The following MAK variants were observed in gnomAD, a reference collection of about 807,000 sequenced individuals.
MAK encodes the protein male germ cell associated kinase.
A neutral mutation model predicts 82.6 loss-of-function variants in MAK; 65 were observed. The observed-to-expected ratio is 0.79, with a 90% CI of 0.64 to 0.97. The LOEUF is 0.97. MAK is among the 50% of genes least tolerant of loss of function. The pLI, the probability that MAK is intolerant of heterozygous loss-of-function variation, is 0.00. For synonymous variants in MAK, 250 were observed against 274.2 expected, an observed-to-expected ratio of 0.91 and a Z score of 0.87; for missense variants, 703 against 780.2, an observed-to-expected ratio of 0.90 and a Z score of 1.18.
At chr6:10,809,408 C>T (rs1224131332) in intron 5 of MAK, among the ~76,000 whole-genome samples, 2 of 152,130 alleles carry the variant, frequency 1.3e-5, no homozygotes, top group African/African-American at 4.8e-5. Context: ...CAGGCCAGAG[C>T]GTAGTGGCTC....
At chr6:10,830,497 A>T (rs530387772) in intron 2 of MAK, 51 bp downstream of exon 2, 1 of 1,441,428 alleles carries the variant, frequency 6.9e-7, no homozygotes, top group Non-Finnish European at 9.8e-7. Context: ...AGGACAGGAA[A>T]ATAAAGAGCA....
intron 7 of MAK, among the ~76,000 whole-genome samples, 174 bp downstream of exon 7, chr6:10,803,544 CAA>C (rs34500831): frequency 3.7e-5 from 5 of 135,482 alleles, no homozygotes; most frequent in Admixed American, 7.6e-5. Flanking sequence ...GACTCCATCT[CAA>C]AAAAAAAAAA....
chr6:10,835,249 T>G (rs767626609), intron 1 of MAK, among the ~76,000 whole-genome samples: 1 of 152,226 alleles, frequency 6.6e-6, no homozygotes, highest in Non-Finnish European at 1.5e-5. Flanking sequence ...AAGGTTTGCA[T>G]CTTTCTACGA....
chr6:10,784,832 T>C (rs1036341106), intron 10 of MAK: 9 of 608,982 alleles, frequency 1.5e-5, no homozygotes, highest in Non-Finnish European at 2.8e-5. Flanking sequence ...GTGTGTAACA[T>C]GTTTCTATCT....
At chr6:10,835,461 C>G (rs993011970) in intron 1 of MAK, among the ~76,000 whole-genome samples, 46 of 152,152 alleles carry the variant, frequency 3.0e-4, no homozygotes, top group Admixed American at 3.0e-3. Context: ...GGTTTTACCA[C>G]GTTGGCCAGG....
chr6:10,799,218 GCT>G (rs1470418217), intron 8 of MAK, among the ~76,000 whole-genome samples: 1 of 152,110 alleles, frequency 6.6e-6, no homozygotes, highest in Non-Finnish European at 1.5e-5. Flanking sequence ...TGTCTTCAAG[GCT>G]CTTTTTATAT....
At chr6:10,787,659 C>T (rs1774694499) in intron 10 of MAK, among the ~76,000 whole-genome samples, 1 of 151,824 alleles carries the variant, frequency 6.6e-6, no homozygotes, top group African/African-American at 2.4e-5. Context: ...GAGATCGAGA[C>T]CATCCTGGCT....
intron 5 of MAK, among the ~76,000 whole-genome samples, chr6:10,811,040 C>G (rs975140760): frequency 6.6e-6 from 1 of 151,980 alleles, no homozygotes; most frequent in African/African-American, 2.4e-5. Flanking sequence ...GCTCTGTCAC[C>G]CAGGCTGGAG....
At chr6:10,764,708 A>G in intron 14 of MAK, 102 bp from the exon 15 acceptor site, 1 of 1,172,148 alleles carries the variant, frequency 8.5e-7, no homozygotes, top group Non-Finnish European at 1.3e-6. Context: ...ATCTGAATTT[A>G]TGTTTAAAAG....
At chr6:10,766,721 GCCC>G (rs140016149) in intron 14 of MAK, among the ~76,000 whole-genome samples, 2 of 152,158 alleles carry the variant, frequency 1.3e-5, no homozygotes, top group Admixed American at 1.3e-4. Context: ...GAGGCAATAA[GCCC>G]CGCTTATTCA....
intron 6 of MAK, among the ~76,000 whole-genome samples, chr6:10,806,309 G>A (rs1776444351): frequency 6.9e-6 from 1 of 144,630 alleles, no homozygotes. Context: ...CAAGTTACAA[G>A]TATGTGCCAC....
intron 2 of MAK, among the ~76,000 whole-genome samples, chr6:10,823,101 T>C (rs1778086872): frequency 6.6e-6 from 1 of 152,194 alleles, no homozygotes; most frequent in South Asian, 2.1e-4. Flanking sequence ...GCACAGACTT[T>C]CTTCTCCATG....
At chr6:10,785,462 C>G (rs1478597621) in intron 10 of MAK, among the ~76,000 whole-genome samples, 1 of 152,218 alleles carries the variant, frequency 6.6e-6, no homozygotes, top group Non-Finnish European at 1.5e-5. Context: ...TGGTTTCCAC[C>G]TAGAAATTCA....
At chr6:10,783,861 A>T (rs1774252209) in intron 11 of MAK, among the ~76,000 whole-genome samples, 1 of 152,154 alleles carries the variant, frequency 6.6e-6, no homozygotes, top group African/African-American at 2.4e-5. Context: ...TCTACTAAAA[A>T]TGCAAAAATT....
chr6:10,804,424 C>T (rs1216072466), intron 6 of MAK, among the ~76,000 whole-genome samples: 1 of 152,182 alleles, frequency 6.6e-6, no homozygotes, highest in Middle Eastern at 3.2e-3. Context: ...CTCACTGCAA[C>T]CTCCGCCTCT....
chr6:10,819,527 G>A (rs1312683087), intron 2 of MAK, among the ~76,000 whole-genome samples: 1 of 152,102 alleles, frequency 6.6e-6, no homozygotes, highest in East Asian at 1.9e-4. Flanking sequence ...AGCTACTTGG[G>A]AGGCTGAGGC....
At chr6:10,832,923 T>C (rs1467155317) in intron 1 of MAK, among the ~76,000 whole-genome samples, 1 of 151,888 alleles carries the variant, frequency 6.6e-6, no homozygotes, top group Non-Finnish European at 1.5e-5. Context: ...CCCAAAAACA[T>C]GTGTGACTTG....
chr6:10,802,042 T>G lies in MAK; in HGVS notation c.681A>C (p.Gly227=). The G allele has an allele frequency of 1.2e-6, 2 of 1,614,132 alleles. No homozygotes were observed. The highest frequency in any genetic ancestry group is 1.7e-6 in the Non-Finnish European group (2 of 1,180,020). ...AGTTCATAGAGGATGCCAGCTGGTA[T>G]CCTTCTGGCCAGTCACTCTGTTTCA... ...GTPKKSDWPE[G]YQLASSMNFR... is the part of the protein sequence containing the mutation. The change falls in exon 8 of 15, where the codon GGA becomes GGC. Residue 227 remains glycine, a synonymous_variant. Transcript: ENST00000354489.
intron 10 of MAK, among the ~76,000 whole-genome samples, chr6:10,785,556 T>C (rs1000857741): frequency 1.3e-5 from 2 of 152,250 alleles, no homozygotes; most frequent in African/African-American, 2.4e-5. Context: ...GGCCACCTGC[T>C]TGGGGGCAGT....
Sources: allele counts gnomAD v4.1 joint callset (sites outside exome capture counted in the v4.1 genomes callset), GRCh38; gene constraint gnomAD v4.1.1; transcripts MANE v1.5; gene names NCBI Gene and HGNC (gene_info 2026-07-23, HGNC 2026-07-21).